SUGCT: variants seen among roughly 807,000 people sequenced by gnomAD.
SUGCT encodes succinyl-CoA:glutarate-CoA transferase.
In SUGCT, 41 loss-of-function variants were observed where a neutral mutation model predicts 55.0. The observed-to-expected ratio is 0.74, with a 90% CI of 0.58 to 0.97. The LOEUF (loss-of-function observed/expected upper bound fraction) is 0.97. SUGCT is among the 50% of genes least tolerant of loss of function. The pLI, the probability that SUGCT is intolerant of heterozygous loss-of-function variation, is 0.00. For missense variants in SUGCT, 568 were observed against 547.8 expected (o/e 1.04, Z -0.37); for synonymous variants, 187 against 200.4 (o/e 0.93, Z 0.56).
chr7:40,145,573 T>C (rs1434100422), intron 1 of SUGCT, among the ~76,000 whole-genome samples: 1 of 152,132 alleles, frequency 6.6e-6, no homozygotes, highest in Non-Finnish European at 1.5e-5. Context: ...TTCATGTCTG[T>C]GGACTAGTCT....
At position 40,274,333 on chromosome 7, in the gene SUGCT, T is replaced by A. The variant is rs551975875; in HGVS notation, c.577-180T>A. ...GAGAAGTATATAGTAAATATAAATATTTTCCTATTACCAACAGATATTCAC... is the reference window on the plus strand; with the variant it reads ...GAGAAGTATATAGTAAATATAAATAATTTCCTATTACCAACAGATATTCAC... On this transcript the variant is annotated intron_variant, in intron 7 of 13. Transcript: ENST00000335693. Among the ~76,000 whole-genome samples the A allele has an allele frequency of 7.1e-4, 108 of 152,250 alleles. 2 individuals are homozygous for A. Among genetic ancestry groups the A allele is most frequent in the African/African-American group, 2.3e-3 (95 of 41,562 alleles).
At chr7:40,851,691 A>T (rs1793861813) in intron 13 of SUGCT, among the ~76,000 whole-genome samples, 1 of 152,250 alleles carries the variant, frequency 6.6e-6, no homozygotes, top group African/African-American at 2.4e-5. Context: ...GGCTTAAAGT[A>T]AAAGTAAAAG....
chr7:40,218,413 A>G (rs1787801306), intron 6 of SUGCT, among the ~76,000 whole-genome samples: 2 of 152,202 alleles, frequency 1.3e-5, no homozygotes, highest in South Asian at 4.1e-4. Context: ...ATGATCAGTC[A>G]TCTCAATTAT....
intron 9 of SUGCT, among the ~76,000 whole-genome samples, chr7:40,319,858 T>G (rs1333193201): frequency 1.3e-5 from 2 of 152,198 alleles, no homozygotes; most frequent in Non-Finnish European, 2.9e-5. Context: ...GTTCTCACTT[T>G]GTTGTCCAGG....
At chr7:40,443,648 A>G (rs562000926) in intron 9 of SUGCT, among the ~76,000 whole-genome samples, 4 of 152,170 alleles carry the variant, frequency 2.6e-5, no homozygotes, top group Admixed American at 6.5e-5. Context: ...GTAGATTGCA[A>G]AAATTTTCTC....
intron 1 of SUGCT, chr7:40,153,581 C>A: frequency 2.0e-6 from 1 of 499,364 alleles, no homozygotes; most frequent in Non-Finnish European, 4.0e-6. Context: ...CAACTCTTAC[C>A]CCTGGGATAC....
At chr7:40,527,103 G>A (rs144608129) in intron 12 of SUGCT, among the ~76,000 whole-genome samples, 1 of 152,218 alleles carries the variant, frequency 6.6e-6, no homozygotes, top group East Asian at 1.9e-4. Flanking sequence ...TGTAATGAAA[G>A]TTTAAACTAC....
rs1790582889 is a variant in SUGCT at position 40,796,986 on chromosome 7, G to T, written c.1153+47489G>T. Among the ~76,000 whole-genome samples, 3 of 152,268 alleles carry T rather than the reference G, an allele frequency of 2.0e-5. No individual in the cohort carries two copies. In the South Asian group the frequency reaches 6.2e-4, roughly 32 times the overall value. On this transcript the variant is annotated intron_variant, in intron 13 of 13. Coordinates refer to ENST00000335693, the MANE Select transcript of SUGCT (RefSeq NM_001193313.2). ...TGTCCAAAGAGCAAGGCAGGGTAAGGCCAGGGTTGACTGGGATATGAACAA... is the reference window on the plus strand; with the variant it reads ...TGTCCAAAGAGCAAGGCAGGGTAAGTCCAGGGTTGACTGGGATATGAACAA...
At chr7:40,587,903 GT>G (rs376387507) in intron 12 of SUGCT, among the ~76,000 whole-genome samples, 3,557 of 133,936 alleles carry the variant, frequency 0.027, 131 homozygotes, top group African/African-American at 0.09. Flanking sequence ...CTTTCTTTCT[GT>G]TTTTTTTTTT....
At chr7:40,864,993 C>G (rs976745278), downstream of SUGCT, among the ~76,000 whole-genome samples, 7 of 152,136 alleles carry the variant, frequency 4.6e-5, no homozygotes, top group Admixed American at 3.3e-4. Context: ...TGAACAATTG[C>G]TGCCTCCCCG....
chr7:40,248,403 T>G (rs941509518), intron 7 of SUGCT, among the ~76,000 whole-genome samples: 33 of 152,176 alleles, frequency 2.2e-4, no homozygotes, highest in Admixed American at 3.3e-4. Flanking sequence ...TTATCCTATA[T>G]CAATACACTT....
At chr7:40,604,605 C>T (rs1337239559) in intron 12 of SUGCT, among the ~76,000 whole-genome samples, 3 of 152,146 alleles carry the variant, frequency 2.0e-5, no homozygotes, top group Non-Finnish European at 2.9e-5. Context: ...GAGTCATTTT[C>T]ATTCAGTTTG....
At chr7:41,006,982 T>C in the SUGCT span, among the ~76,000 whole-genome samples, 10 of 152,324 alleles carry the variant, frequency 6.6e-5, no homozygotes, top group South Asian at 1.2e-3. Flanking sequence ...TCACAACATA[T>C]ATCTTTGTTA....
chr7:40,191,632 C>A (rs1785915238), intron 5 of SUGCT, among the ~76,000 whole-genome samples: 1 of 152,196 alleles, frequency 6.6e-6, no homozygotes, highest in Non-Finnish European at 1.5e-5. Context: ...TTCCTGGCCT[C>A]AAGCAATCCG....
chr7:40,615,646 T>G (rs1336738468), intron 12 of SUGCT, among the ~76,000 whole-genome samples: 2 of 152,220 alleles, frequency 1.3e-5, no homozygotes, highest in African/African-American at 4.8e-5. Flanking sequence ...ATACATGATC[T>G]CCTAGGTTCT....
intron 12 of SUGCT, among the ~76,000 whole-genome samples, chr7:40,669,529 A>T (rs1011212131): frequency 1.3e-5 from 2 of 151,824 alleles, no homozygotes; most frequent in Non-Finnish European, 2.9e-5. Flanking sequence ...AAATGAAAAT[A>T]TAGAAAATCT....
At chr7:40,423,677 T>A (rs1787433061) in intron 9 of SUGCT, among the ~76,000 whole-genome samples, 1 of 152,118 alleles carries the variant, frequency 6.6e-6, no homozygotes, top group Admixed American at 6.5e-5. Context: ...TTACACTGGC[T>A]CCAATGTGTT....
chr7:40,429,545 G>A (rs1787782222), intron 9 of SUGCT, among the ~76,000 whole-genome samples: 1 of 152,164 alleles, frequency 6.6e-6, no homozygotes, highest in Admixed American at 6.5e-5. Context: ...GAGTCCAAAA[G>A]CTGAAGAACT....
At chr7:40,664,953 C>T (rs1048652881) in intron 12 of SUGCT, among the ~76,000 whole-genome samples, 5 of 145,874 alleles carry the variant, frequency 3.4e-5, no homozygotes, top group East Asian at 2.0e-4. Flanking sequence ...GCACTCCAGC[C>T]TGGGAGACAG....
Sources: allele counts gnomAD v4.1 joint callset (sites outside exome capture counted in the v4.1 genomes callset), GRCh38; gene constraint gnomAD v4.1.1; transcripts MANE v1.5; gene names NCBI Gene and HGNC (gene_info 2026-07-23, HGNC 2026-07-21).